Variants in NRG1 observed in about 807,000 individuals in gnomAD.
The protein encoded by NRG1 is neuregulin 1.
NRG1 carries 18 observed loss-of-function variants against 63.8 expected under a neutral mutation model. The ratio of observed to expected loss-of-function variants is 0.28; its 90% confidence interval spans 0.19 to 0.42. The LOEUF (loss-of-function observed/expected upper bound fraction) is 0.42. Among genes scored for constraint, NRG1 ranks in the 10% least tolerant of loss-of-function variants. The pLI, the probability that NRG1 is intolerant of heterozygous loss-of-function variation, is 1.00. For synonymous variants in NRG1, 302 were observed against 301.3 expected (o/e 1.00, Z -0.02); for missense variants, 762 against 814.7 (o/e 0.94, Z 0.79).
chr8:31,763,995 G>C (rs1158244352), intron 1 of NRG1, among the ~76,000 whole-genome samples: 1 of 120,116 alleles, frequency 8.3e-6, no homozygotes, highest in Non-Finnish European at 1.6e-5. Context: ...GACAGAGCAA[G>C]ACTCCATCTC....
At chr8:32,415,312 G>A (rs952191875) in intron 1 of NRG1, among the ~76,000 whole-genome samples, 1 of 149,830 alleles carries the variant, frequency 6.7e-6, no homozygotes, top group Non-Finnish European at 1.5e-5. Context: ...GGAGGCTGAG[G>A]CAGGAGAATT....
intron 1 of NRG1, among the ~76,000 whole-genome samples, chr8:32,410,176 C>CTTTTTT (rs374377158): frequency 1.0e-4 from 10 of 99,306 alleles, no homozygotes; most frequent in Admixed American, 1.2e-4. Context: ...TTTTTCTTTC[C>CTTTTTT]TTTTTTTTTT....
chr8:32,317,109 C>T (rs939809625), intron 1 of NRG1, among the ~76,000 whole-genome samples: 6 of 148,474 alleles, frequency 4.0e-5, no homozygotes, highest in African/African-American at 7.4e-5. Context: ...TAGATGTATA[C>T]GTTCTCTCCA....
rs1356897623 is a variant in NRG1 at position 32,340,018 on chromosome 8, TC to T, written c.38-255806del. Among the ~76,000 whole-genome samples the T allele has an allele frequency of 3.3e-5, 5 of 152,206 alleles. No homozygotes were observed. In the East Asian group the frequency reaches 7.7e-4, roughly 24 times the overall value. On this transcript the variant is annotated intron_variant, in intron 1 of 10. Coordinates refer to the NRG1 transcript ENST00000519301. ...CTGCAAGATAACTTGACTTTCTCCT[TC>T]CCCTCTGCTGCTAAGGGGTAAGGTG...
At chr8:32,136,257 G>A (rs1306333327) in intron 1 of NRG1, among the ~76,000 whole-genome samples, 1 of 152,154 alleles carries the variant, frequency 6.6e-6, no homozygotes, top group African/African-American at 2.4e-5. Context: ...TTAAGCGCAT[G>A]GTTCCTCTCC....
chr8:31,806,709 C>A (rs1347275691), intron 1 of NRG1, among the ~76,000 whole-genome samples: 1 of 151,944 alleles, frequency 6.6e-6, no homozygotes, highest in Admixed American at 6.6e-5. Flanking sequence ...AATAATTAAC[C>A]CTTTTTTTAA....
chr8:32,770,725 T>A (rs1831727510), downstream of NRG1, among the ~76,000 whole-genome samples: 1 of 152,164 alleles, frequency 6.6e-6, no homozygotes, highest in Non-Finnish European at 1.5e-5. Flanking sequence ...CAAAGCACTC[T>A]CCCCACCACT....
Position 31,927,854 on chromosome 8 carries a change from T to A in NRG1, c.37+288423T>A, listed in dbSNP as rs191727723. Among the ~76,000 whole-genome samples, 837 of 150,800 alleles carry A rather than the reference T, an allele frequency of 5.6e-3. 8 individuals are homozygous for A. Among genetic ancestry groups the A allele is most frequent in the African/African-American group, 0.019 (785 of 41,400 alleles). ...CTCAACCCTTGAGTATTTCTTTTTT[T>A]AAAAAATTTTATTATTATTATTATT... On this transcript the variant is annotated intron_variant, in intron 1 of 10. Coordinates refer to the NRG1 transcript ENST00000519301.
chr8:32,463,425 A>G (rs1253981680), intron 1 of NRG1, among the ~76,000 whole-genome samples: 1 of 152,154 alleles, frequency 6.6e-6, no homozygotes, highest in East Asian at 1.9e-4. Flanking sequence ...AAAGTGGACA[A>G]GGGTTCCCTT....
chr8:32,158,769 G>A (rs1222512993), intron 1 of NRG1, among the ~76,000 whole-genome samples: 1 of 152,012 alleles, frequency 6.6e-6, no homozygotes, highest in African/African-American at 2.4e-5. Flanking sequence ...ATTTGGGAAG[G>A]AGGAAACGTG....
chr8:32,379,790 G>A lies in NRG1; in HGVS notation c.38-216038G>A, dbSNP rs545957295. 5.3e-5 allele frequency among the ~76,000 whole-genome samples: 8 copies of A among 152,274 alleles called. No individual in the cohort carries two copies. The South Asian group carries it at 1.2e-3, about 24-fold the overall frequency. Reference sequence around the variant, plus strand: ...TTGGCAGAGCCAGAACTTGAAGCTCGATCAACTCCACCTATAGGTCAATAC... The same window carrying A: ...TTGGCAGAGCCAGAACTTGAAGCTCAATCAACTCCACCTATAGGTCAATAC... On this transcript the variant is annotated intron_variant, in intron 1 of 10. Coordinates refer to the NRG1 transcript ENST00000519301.
At chr8:31,730,706 G>A (rs1813946704) in intron 1 of NRG1, among the ~76,000 whole-genome samples, 1 of 151,930 alleles carries the variant, frequency 6.6e-6, no homozygotes, top group Non-Finnish European at 1.5e-5. Flanking sequence ...GATGCTCAGA[G>A]CAAACATGAA....
At chr8:32,013,060 A>G (rs187744243) in intron 1 of NRG1, among the ~76,000 whole-genome samples, 1 of 152,210 alleles carries the variant, frequency 6.6e-6, no homozygotes, top group East Asian at 1.9e-4. Flanking sequence ...TAAAAGCCAA[A>G]CTGTCATCAG....
intron 1 of NRG1, among the ~76,000 whole-genome samples, chr8:32,536,920 C>T (rs1197641506): frequency 1.3e-4 from 1 of 7,428 alleles, no homozygotes. Context: ...AAGACTCCGT[C>T]TCAAAAAAAA....
chr8:32,318,880 G>A (rs960103560), intron 1 of NRG1, among the ~76,000 whole-genome samples: 6 of 152,028 alleles, frequency 3.9e-5, no homozygotes, highest in African/African-American at 7.2e-5. Context: ...CTTAGTGACC[G>A]ATTTTGCTAT....
intron 1 of NRG1, among the ~76,000 whole-genome samples, chr8:32,215,525 G>C (rs1338375582): frequency 2.0e-5 from 3 of 152,172 alleles, no homozygotes; most frequent in Non-Finnish European, 4.4e-5. Context: ...ACACACTTAT[G>C]AGGAAACTAC....
chr8:31,984,336 A>T (rs1014439105), intron 1 of NRG1, among the ~76,000 whole-genome samples: 4 of 152,048 alleles, frequency 2.6e-5, no homozygotes, highest in African/African-American at 9.7e-5. Flanking sequence ...ATAAAATCTC[A>T]TATTTTGCCC....
Position 31,945,716 on chromosome 8 carries a change from T to G in NRG1, c.37+306285T>G, listed in dbSNP as rs1408827785. Among the ~76,000 whole-genome samples, 6 of 152,216 alleles carry G rather than the reference T, an allele frequency of 3.9e-5. No individual in the cohort carries two copies. The East Asian group carries it at 1.2e-3, about 29-fold the overall frequency. ...TCAGAAGACTTCTTTTCCAGGCTTTTTTCTTCCTGTGCATATCTGTGTTTT... is the reference window on the plus strand; with the variant it reads ...TCAGAAGACTTCTTTTCCAGGCTTTGTTCTTCCTGTGCATATCTGTGTTTT... On this transcript the variant is annotated intron_variant, in intron 1 of 10. Coordinates refer to the NRG1 transcript ENST00000519301.
At chr8:31,728,645 A>T (rs1049449865) in intron 1 of NRG1, among the ~76,000 whole-genome samples, 1 of 152,198 alleles carries the variant, frequency 6.6e-6, no homozygotes, top group Admixed American at 6.5e-5. Context: ...TCACTGCTGC[A>T]TGCTAAATTC....
Sources: gnomAD v4.1 joint callset for allele counts (sites outside exome capture counted in the v4.1 genomes callset) on GRCh38, gnomAD v4.1.1 for gene constraint, MANE v1.5 for transcripts, NCBI Gene and HGNC (gene_info 2026-07-23, HGNC 2026-07-21) for gene names.